ENKUR: variants seen among roughly 807,000 people sequenced by gnomAD.
The protein encoded by ENKUR is enkurin.
In ENKUR, 19 loss-of-function variants were observed where a neutral mutation model predicts 27.6. The observed-to-expected ratio is 0.69, with a 90% CI of 0.48 to 1.01. The LOEUF (loss-of-function observed/expected upper bound fraction) is 1.01, where lower values mean the gene tolerates loss of function less well. Ranked by LOEUF, ENKUR falls within the 50% of genes least tolerant of loss-of-function variation. The probability of loss-of-function intolerance (pLI) is 0.00; values close to 1 mark genes in which losing one functional copy is unlikely to be tolerated. For missense variants in ENKUR, 312 were observed against 310.5 expected (o/e 1.00, Z -0.04); for synonymous variants, 117 against 96.9 (o/e 1.21, Z -1.22).
chr10:24,984,537 T>C lies in ENKUR; in HGVS notation c.765-161A>G, dbSNP rs1298383641. On this transcript the variant is annotated intron_variant, in intron 5 of 5. Coordinates refer to ENST00000331161, the MANE Select transcript of ENKUR (RefSeq NM_145010.4). ...TTTAATAGTTTATATGTGGAAAACG[T>C]GACACTAGTAAAAACAAAATTTCTT... 7 of 1,136,674 alleles carry C rather than the reference T, an allele frequency of 6.2e-6. No homozygotes were observed. The African/African-American group carries it at 7.9e-5, about 13-fold the overall frequency. 70.4% of individuals were successfully genotyped at this position (1,136,674 alleles called of 1,614,324 possible). A position where few individuals can be genotyped will look rare whatever the true frequency, so the allele number is the denominator to read the frequency against.
At chr10:25,048,036 C>A (rs1191198376) in intron 2 of ENKUR, among the ~76,000 whole-genome samples, 1 of 152,002 alleles carries the variant, frequency 6.6e-6, no homozygotes, top group Non-Finnish European at 1.5e-5. Context: ...CCTTCCTTAC[C>A]CTAATCTCTA....
chr10:25,052,576 G>C (rs1851198303), intron 2 of ENKUR, among the ~76,000 whole-genome samples: 1 of 151,992 alleles, frequency 6.6e-6, no homozygotes, highest in African/African-American at 2.4e-5. Context: ...AGACCAGCCT[G>C]GGAAACACAG....
intron 1 of ENKUR, among the ~76,000 whole-genome samples, chr10:25,003,284 G>A (rs1850236779): frequency 6.6e-6 from 1 of 152,070 alleles, no homozygotes; most frequent in African/African-American, 2.4e-5. Context: ...TTAGCTCACT[G>A]TAACCTCTGT....
Position 24,982,260 on chromosome 10 carries a change from T to C in ENKUR, c.*2110A>G, listed in dbSNP as rs185237523. On this transcript the variant is annotated 3_prime_UTR_variant, in exon 6 of 6. Transcript: ENST00000331161. ...AGACTAGGGATTTGCCAGGCAGCTA[T>C]GTAGGATGAGAGAAAGAAAAGGGCA... 251 of 152,254 alleles carry C rather than the reference T, an allele frequency of 1.6e-3. 4 individuals carry two copies. Among genetic ancestry groups the C allele is most frequent in the African/African-American group, 5.9e-3 (244 of 41,522 alleles). 9.4% of individuals were successfully genotyped at this position (152,254 alleles called of 1,614,324 possible).
chr10:25,057,380 T>TACACACACAC (rs139515865), intron 2 of ENKUR, among the ~76,000 whole-genome samples: 26 of 117,808 alleles, frequency 2.2e-4, no homozygotes, highest in African/African-American at 7.8e-4. Context: ...TGCACTTTGG[T>TACACACACAC]ACACACACAC....
intron 2 of ENKUR, among the ~76,000 whole-genome samples, chr10:25,055,715 G>A (rs1851248674): frequency 6.6e-6 from 1 of 152,138 alleles, no homozygotes; most frequent in Admixed American, 6.5e-5. Context: ...TATGAGTGAT[G>A]GCTGAAGGAC....
At position 24,995,260 on chromosome 10, in the gene ENKUR, T is replaced by C. The variant is rs186780589; in HGVS notation, c.447+386A>G. Among the ~76,000 whole-genome samples the C allele has an allele frequency of 2.2e-4, 33 of 152,350 alleles. No individual in the cohort carries two copies. The East Asian group carries it at 6.0e-3, about 28-fold the overall frequency. The stretch of plus-strand genomic sequence containing the variant: ...CATTTTTCTTATTCAGCTGCCAAGT[T>C]ACTGCAATTAATGACTAAATCTTAA... On this transcript the variant is annotated intron_variant, in intron 3 of 5. Coordinates refer to ENST00000331161, the MANE Select transcript of ENKUR (RefSeq NM_145010.4).
rs573935715 is a variant in ENKUR at position 25,007,051 on chromosome 10, A to T, written c.78-7505T>A. Among the ~76,000 whole-genome samples, 5 of 152,322 alleles carry T rather than the reference A, an allele frequency of 3.3e-5. No homozygotes were observed. In the East Asian group the frequency reaches 9.6e-4, roughly 29 times the overall value. On this transcript the variant is annotated intron_variant, in intron 1 of 5. Transcript: ENST00000331161. ...ATCCTGATAAAACGTTTAAAAATTGAAACTGTTTAACCCTTTACTTGATTT... is the reference window on the plus strand; with the variant it reads ...ATCCTGATAAAACGTTTAAAAATTGTAACTGTTTAACCCTTTACTTGATTT...
chr10:25,039,260 C>T (rs1273703728), intron 2 of ENKUR, among the ~76,000 whole-genome samples: 1 of 152,088 alleles, frequency 6.6e-6, no homozygotes, highest in Non-Finnish European at 1.5e-5. Context: ...TCAGTAGGGA[C>T]AGTTTTGCTG....
chr10:25,019,869 T>C (rs553297093), upstream of ENKUR, among the ~76,000 whole-genome samples: 1 of 152,328 alleles, frequency 6.6e-6, no homozygotes, highest in South Asian at 2.1e-4. Flanking sequence ...TCAAATCTTT[T>C]TTTTCCATTT....
intron 1 of ENKUR, among the ~76,000 whole-genome samples, chr10:25,012,026 C>T (rs752430515): frequency 6.6e-6 from 1 of 152,182 alleles, no homozygotes; most frequent in African/African-American, 2.4e-5. Flanking sequence ...GGACTTGGTG[C>T]CCTGAGTCAC....
rs534755706 is a variant in ENKUR, at chr10:24,985,599, C to T, written c.595-694G>A. On this transcript the variant is annotated intron_variant, in intron 4 of 5. Transcript: ENST00000331161. ...AACAGTTTCTATTCTCAGAAATCAACAAATTCAAAATTAGGGATCTCTTAG... is the reference window on the plus strand; with the variant it reads ...AACAGTTTCTATTCTCAGAAATCAATAAATTCAAAATTAGGGATCTCTTAG... 5.3e-5 allele frequency among the ~76,000 whole-genome samples: 8 copies of T among 152,266 alleles called. No homozygotes were observed. In the South Asian group the frequency reaches 1.7e-3, roughly 32 times the overall value.
intron 1 of ENKUR, among the ~76,000 whole-genome samples, chr10:25,008,393 T>C (rs1435859153): frequency 1.3e-5 from 2 of 152,216 alleles, no homozygotes; most frequent in Non-Finnish European, 2.9e-5. Context: ...AAAATGACCA[T>C]GTCACCTAAG....
intron 2 of ENKUR, among the ~76,000 whole-genome samples, chr10:25,042,005 T>G (rs940809630): frequency 8.5e-5 from 13 of 152,224 alleles, no homozygotes; most frequent in African/African-American, 2.6e-4. Context: ...TTGACAAAAT[T>G]GAATGTCTGT....
At chr10:25,021,744 T>C (rs1490969446) in intron 2 of ENKUR, 3 of 152,224 alleles carry the variant, frequency 2.0e-5, no homozygotes, top group African/African-American at 7.2e-5. Context: ...CATTATAGAC[T>C]CCACGTTTTG....
intron 2 of ENKUR, chr10:25,024,305 T>C (rs757430200): frequency 6.2e-6 from 10 of 1,614,224 alleles, no homozygotes; most frequent in Non-Finnish European, 5.9e-6. Context: ...ATGCCTCATA[T>C]TTTTGCACAC....
intron 2 of ENKUR, among the ~76,000 whole-genome samples, chr10:25,030,900 C>G (rs1850926125): frequency 6.6e-6 from 1 of 152,042 alleles, no homozygotes; most frequent in Non-Finnish European, 1.5e-5. Context: ...GGTGGATCAC[C>G]TGAGGTCAGG....
intron 2 of ENKUR, among the ~76,000 whole-genome samples, chr10:25,028,697 G>C (rs1000875): frequency 0.28 from 41,943 of 152,002 alleles, 6,382 homozygotes; most frequent in East Asian, 0.5. Flanking sequence ...TTTCCTGCCT[G>C]TCTTTTTCTC....
chr10:25,038,902 T>C (rs1482130080), intron 2 of ENKUR, among the ~76,000 whole-genome samples: 2 of 152,218 alleles, frequency 1.3e-5, no homozygotes, highest in African/African-American at 4.8e-5. Flanking sequence ...GATTCAATAG[T>C]TGTCAAAGGT....
Sources: gnomAD v4.1 joint callset for allele counts (sites outside exome capture counted in the v4.1 genomes callset) on GRCh38, gnomAD v4.1.1 for gene constraint, MANE v1.5 for transcripts, NCBI Gene and HGNC (gene_info 2026-07-23, HGNC 2026-07-21) for gene names.